The following FFAR4 variants were observed in gnomAD, a reference collection of about 807,000 sequenced individuals.
FFAR4 encodes the protein free fatty acid receptor 4.
FFAR4 carries 19 observed loss-of-function variants against 27.0 expected under a neutral mutation model. That is an observed-to-expected ratio of 0.70 (90% confidence interval 0.49 to 1.03). The LOEUF is 1.03. FFAR4 is among the 50% of genes least tolerant of loss of function. The pLI is 0.00. For synonymous variants in FFAR4, 254 were observed against 215.6 expected (o/e 1.18, Z -1.56); for missense variants, 476 against 479.0 (o/e 0.99, Z 0.06).
At chr10:93,582,076 G>T (rs2058200567) in intron 2 of FFAR4, among the ~76,000 whole-genome samples, 1 of 152,174 alleles carries the variant, frequency 6.6e-6, no homozygotes, top group Admixed American at 6.5e-5. Context: ...CAAGCATTCT[G>T]CCCAGTGCAG....
chr10:93,583,852 T>C (rs2058213063), intron 2 of FFAR4, among the ~76,000 whole-genome samples: 3 of 152,226 alleles, frequency 2.0e-5, no homozygotes, highest in African/African-American at 2.4e-5. Flanking sequence ...AGGTGCTCCA[T>C]AAATGTGAGC....
At position 93,567,293 on chromosome 10, in the gene FFAR4, C is replaced by T. The variant is rs891885550; in HGVS notation, c.567+6C>T. 1.9e-6 allele frequency: 3 copies of T among 1,596,410 alleles called. No homozygotes were observed. Among genetic ancestry groups the T allele is most frequent in the Non-Finnish European group, 1.7e-6 (2 of 1,178,728 alleles). ...GGCTCCCCGGCGCCGACCAGGTGAGCGCCCCTCTGTGTGTGCCGGGCAGGT... is the reference window on the plus strand; with the variant it reads ...GGCTCCCCGGCGCCGACCAGGTGAGTGCCCCTCTGTGTGTGCCGGGCAGGT... On this transcript the variant is annotated splice_donor_region_variant and intron_variant, in intron 1 of 2. Transcript: ENST00000371481.
intron 1 of FFAR4, among the ~76,000 whole-genome samples, chr10:93,573,163 T>G (rs993893784): frequency 6.6e-6 from 1 of 152,132 alleles, no homozygotes; most frequent in South Asian, 2.1e-4. Flanking sequence ...TCTGCCTCCC[T>G]CCCTCCTGGA....
intron 1 of FFAR4, among the ~76,000 whole-genome samples, chr10:93,570,424 C>G (rs2058125527): frequency 6.6e-6 from 1 of 151,484 alleles, no homozygotes; most frequent in African/African-American, 2.4e-5. Flanking sequence ...GACTGAGTCT[C>G]ACATTTAAAA....
chr10:93,576,579 CTG>C (rs370573906), intron 2 of FFAR4, among the ~76,000 whole-genome samples: 197 of 152,230 alleles, frequency 1.3e-3, no homozygotes, highest in African/African-American at 4.4e-3. Context: ...GTCATGTATA[CTG>C]TGTGTGTATT....
At position 93,589,494 on chromosome 10, in the gene FFAR4, T is replaced by G. The variant is rs1240978196; in HGVS notation, c.*1885T>G. On this transcript the variant is annotated 3_prime_UTR_variant, in exon 3 of 3. Coordinates refer to ENST00000371481, the MANE Select transcript of FFAR4 (RefSeq NM_001195755.2). ...TTATTGATGGGAAGGATGGAATTGA[T>G]AGAATGTGAGGGAAAGGGAGAACTC... The G allele has an allele frequency of 6.7e-6, 1 of 150,358 alleles. No individual in the cohort carries two copies. The highest frequency in any genetic ancestry group is 2.4e-5 in the African/African-American group (1 of 40,886). The allele number at this position is 150,358 out of a possible 1,614,324, so 9.3% of individuals were successfully genotyped here.
intron 1 of FFAR4, among the ~76,000 whole-genome samples, chr10:93,573,291 C>T (rs368733773): frequency 1.3e-5 from 2 of 152,242 alleles, no homozygotes; most frequent in African/African-American, 2.4e-5. Flanking sequence ...TCTGCCAATT[C>T]TGCTTCTGTA....
intron 2 of FFAR4, among the ~76,000 whole-genome samples, chr10:93,582,544 C>CA (rs56934747): frequency 0.066 from 6,519 of 99,144 alleles, 198 homozygotes; most frequent in East Asian, 0.13. Flanking sequence ...AACTCCATCT[C>CA]AAAAAAAAAA....
chr10:93,578,416 CAAAAAAAAAAA>C (rs762326870), intron 2 of FFAR4, among the ~76,000 whole-genome samples: 1 of 60,202 alleles, frequency 1.7e-5, no homozygotes, highest in African/African-American at 6.0e-5. Context: ...GATTCCCTCT[CAAAAAAAAAAA>C]AAAAAAAAAA....
chr10:93,575,711 C>A (rs549749134), intron 1 of FFAR4, among the ~76,000 whole-genome samples: 19 of 152,308 alleles, frequency 1.2e-4, no homozygotes, highest in Non-Finnish European at 2.4e-4. Context: ...TCTCTGTAAC[C>A]TTTCAGGGGT....
intron 2 of FFAR4, among the ~76,000 whole-genome samples, chr10:93,582,544 CAAAAA>C (rs56934747): frequency 4.0e-5 from 4 of 99,236 alleles, no homozygotes; most frequent in Admixed American, 1.1e-4. Context: ...AACTCCATCT[CAAAAA>C]AAAAAAAAAA....
At chr10:93,576,052 C>G (rs2058161739) in intron 1 of FFAR4, 39 bp from the exon 2 acceptor site, 2 of 1,609,586 alleles carry the variant, frequency 1.2e-6, no homozygotes, top group Non-Finnish European at 1.7e-6. Context: ...CAATAAGAAG[C>G]CAGCATTTAC....
At chr10:93,568,223 G>A (rs1192946619) in intron 1 of FFAR4, among the ~76,000 whole-genome samples, 1 of 152,168 alleles carries the variant, frequency 6.6e-6, no homozygotes, top group East Asian at 1.9e-4. Context: ...ATCTAGACGC[G>A]GAGTCACGGT....
chr10:93,577,032 C>T (rs11187518), intron 2 of FFAR4, among the ~76,000 whole-genome samples: 9,747 of 152,170 alleles, frequency 0.064, 705 homozygotes, highest in East Asian at 0.34. Context: ...CCAGGGAATG[C>T]CCATTTCAAA....
At chr10:93,572,264 T>C (rs2058136140) in intron 1 of FFAR4, among the ~76,000 whole-genome samples, 1 of 151,988 alleles carries the variant, frequency 6.6e-6, no homozygotes, top group South Asian at 2.1e-4. Context: ...TACTGGGAGA[T>C]GGCAGTGTCC....
chr10:93,586,309 C>T (rs1290730497), intron 2 of FFAR4, among the ~76,000 whole-genome samples: 2 of 152,072 alleles, frequency 1.3e-5, no homozygotes, highest in Admixed American at 1.3e-4. Context: ...TTCCTGCCAC[C>T]GTGTGGAGAA....
At chr10:93,572,791 A>G (rs1488582358) in intron 1 of FFAR4, among the ~76,000 whole-genome samples, 1 of 152,176 alleles carries the variant, frequency 6.6e-6, no homozygotes, top group Non-Finnish European at 1.5e-5. Flanking sequence ...AGATGTCCTC[A>G]TGGCTATTGG....
At chr10:93,582,846 CAGA>C (rs1324210841) in intron 2 of FFAR4, among the ~76,000 whole-genome samples, 2 of 152,136 alleles carry the variant, frequency 1.3e-5, no homozygotes, top group African/African-American at 2.4e-5. Context: ...GCAATCATGG[CAGA>C]AGGAGAAGCA....
At chr10:93,577,755 A>T (rs1461579866) in intron 2 of FFAR4, among the ~76,000 whole-genome samples, 1 of 152,254 alleles carries the variant, frequency 6.6e-6, no homozygotes, top group Non-Finnish European at 1.5e-5. Flanking sequence ...AGAATTACAG[A>T]TGAAGAAACC....
Sources: gnomAD v4.1 joint callset for allele counts (sites outside exome capture counted in the v4.1 genomes callset) on GRCh38, gnomAD v4.1.1 for gene constraint, MANE v1.5 for transcripts, NCBI Gene and HGNC (gene_info 2026-07-23, HGNC 2026-07-21) for gene names.